Variants in CALN1 observed in about 807,000 individuals in gnomAD.
CALN1 encodes the protein calcium-binding protein 8.
In CALN1, 17 loss-of-function variants were observed where a neutral mutation model predicts 30.6. That is an observed-to-expected ratio of 0.56 (90% CI 0.38 to 0.83). The LOEUF is 0.83. Among genes scored for constraint, CALN1 ranks in the 40% least tolerant of loss-of-function variants. CALN1 has a pLI of 0.00. For missense variants in CALN1, 291 were observed against 354.9 expected (o/e 0.82, Z 1.45); for synonymous variants, 156 against 131.4 (o/e 1.19, Z -1.28).
At chr7:71,945,547 C>T (rs1031132565) in intron 5 of CALN1, among the ~76,000 whole-genome samples, 4 of 152,288 alleles carry the variant, frequency 2.6e-5, no homozygotes, top group East Asian at 3.9e-4. Context: ...CAAACATTGC[C>T]GCCTGAACTC....
chr7:72,315,291 T>G (rs1800360988), intron 2 of CALN1, among the ~76,000 whole-genome samples: 1 of 152,172 alleles, frequency 6.6e-6, no homozygotes, highest in Non-Finnish European at 1.5e-5. Flanking sequence ...AAAAACATTT[T>G]TTAAAAAACC....
intron 3 of CALN1, among the ~76,000 whole-genome samples, chr7:72,195,158 C>CG (rs1562718902): frequency 6.6e-6 from 1 of 152,176 alleles, no homozygotes. Context: ...CCTGAAGCGT[C>CG]TGTCTTACAG....
At position 72,165,589 on chromosome 7, in the gene CALN1, C is replaced by CCAA. The variant is rs539990531; in HGVS notation, c.245-59298_245-59296dup. Reference sequence around the variant, plus strand: ...GCCAACAGGGCCAAAAACTCTGTCTCCAACAACAACAAACAAACAAACAAG... The same window carrying CCAA: ...GCCAACAGGGCCAAAAACTCTGTCTCCAACAACAACAACAAACAAACAAACAAG... On this transcript the variant is annotated intron_variant, in intron 3 of 6. Transcript: ENST00000395275. Among the ~76,000 whole-genome samples the CCAA allele has an allele frequency of 9.2e-5, 14 of 151,866 alleles. No individual in the cohort carries two copies. In the South Asian group the frequency reaches 2.9e-3, roughly 32 times the overall value.
At chr7:71,914,265 T>C (rs1794576735) in intron 5 of CALN1, among the ~76,000 whole-genome samples, 1 of 152,214 alleles carries the variant, frequency 6.6e-6, no homozygotes, top group Non-Finnish European at 1.5e-5. Flanking sequence ...CCACGTGTTC[T>C]CATCATTTAC....
intron 3 of CALN1, among the ~76,000 whole-genome samples, chr7:72,142,117 C>G (rs1403377720): frequency 2.0e-5 from 3 of 152,104 alleles, no homozygotes; most frequent in African/African-American, 4.8e-5. Flanking sequence ...GATTGTCAGA[C>G]AGTGGGTGCA....
At chr7:71,962,013 T>G (rs1797270773) in intron 5 of CALN1, among the ~76,000 whole-genome samples, 1 of 152,144 alleles carries the variant, frequency 6.6e-6, no homozygotes, top group Non-Finnish European at 1.5e-5. Flanking sequence ...CTGCCTACCC[T>G]ATGTCCATCA....
At chr7:72,260,840 G>T (rs1408851222) in intron 3 of CALN1, among the ~76,000 whole-genome samples, 7 of 152,064 alleles carry the variant, frequency 4.6e-5, no homozygotes, top group Non-Finnish European at 1.5e-5. Context: ...CCTACAAATT[G>T]CACAGGGGTA....
At chr7:72,167,930 C>G (rs554653022) in intron 3 of CALN1, among the ~76,000 whole-genome samples, 1 of 152,276 alleles carries the variant, frequency 6.6e-6, no homozygotes, top group Non-Finnish European at 1.5e-5. Flanking sequence ...ATAGTCAAAG[C>G]AGGATACGGA....
chr7:72,113,087 T>C (rs369909280), intron 3 of CALN1, among the ~76,000 whole-genome samples: 3 of 152,102 alleles, frequency 2.0e-5, no homozygotes, highest in East Asian at 1.9e-4. Context: ...GGCGATGCTA[T>C]AGTTTGGATG....
chr7:72,438,797 C>T (rs918008058), intron 1 of CALN1, among the ~76,000 whole-genome samples: 6 of 152,170 alleles, frequency 3.9e-5, no homozygotes, highest in Admixed American at 1.3e-4. Flanking sequence ...GGGCTTCAAG[C>T]GATGCCAAAT....
chr7:71,916,128 C>T (rs17144117), intron 5 of CALN1, among the ~76,000 whole-genome samples: 11,083 of 151,948 alleles, frequency 0.073, 1,295 homozygotes, highest in African/African-American at 0.25. Context: ...GACACTTGAG[C>T]GAAGATTGGA....
At chr7:72,067,729 C>T (rs1357164597) in intron 4 of CALN1, among the ~76,000 whole-genome samples, 1 of 152,220 alleles carries the variant, frequency 6.6e-6, no homozygotes, top group Non-Finnish European at 1.5e-5. Context: ...TGCTGATCCA[C>T]CGAATGGCAT....
intron 1 of CALN1, among the ~76,000 whole-genome samples, chr7:72,409,936 T>C (rs1222263745): frequency 6.6e-6 from 1 of 152,230 alleles, no homozygotes; most frequent in East Asian, 1.9e-4. Context: ...CTGTAATGCT[T>C]GATAATGGTT....
intron 3 of CALN1, among the ~76,000 whole-genome samples, chr7:72,136,734 C>G (rs891071831): frequency 1.3e-5 from 2 of 152,170 alleles, no homozygotes; most frequent in African/African-American, 4.8e-5. Context: ...CACTTGAACA[C>G]TTAGAGGCCA....
At chr7:71,879,091 C>T (rs1024270669) in intron 5 of CALN1, among the ~76,000 whole-genome samples, 4 of 152,118 alleles carry the variant, frequency 2.6e-5, no homozygotes, top group Admixed American at 6.5e-5. Flanking sequence ...TGTGTTTTTA[C>T]CTGATGGCAG....
intron 2 of CALN1, among the ~76,000 whole-genome samples, chr7:72,318,867 GA>G (rs752243987): frequency 0.02 from 2,728 of 139,740 alleles, 29 homozygotes; most frequent in Non-Finnish European, 0.022. Context: ...AAAGTCAAAA[GA>G]AAAAAAAAAA....
chr7:72,236,321 A>G (rs928276192), intron 3 of CALN1, among the ~76,000 whole-genome samples: 2 of 152,122 alleles, frequency 1.3e-5, no homozygotes, highest in African/African-American at 4.8e-5. Flanking sequence ...GAACATATAA[A>G]ATACTCAAAG....
At chr7:71,841,931 G>A (rs1000607207) in intron 5 of CALN1, among the ~76,000 whole-genome samples, 30 of 151,118 alleles carry the variant, frequency 2.0e-4, no homozygotes, top group African/African-American at 7.3e-4. Flanking sequence ...GGGTTCAATA[G>A]ATACCCAAAC....
At chr7:72,076,396 C>T (rs6963086) in intron 4 of CALN1, among the ~76,000 whole-genome samples, 3,253 of 151,134 alleles carry the variant, frequency 0.022, 106 homozygotes, top group African/African-American at 0.074. Flanking sequence ...GTCGGGAGTT[C>T]GAGACCAGCC....
Sources: allele counts gnomAD v4.1 joint callset (sites outside exome capture counted in the v4.1 genomes callset), GRCh38; gene constraint gnomAD v4.1.1; transcripts MANE v1.5; gene names NCBI Gene and HGNC (gene_info 2026-07-23, HGNC 2026-07-21).